Variants in SPOCK3 observed in about 807,000 individuals in gnomAD.
SPOCK3 encodes testican-3.
Under a neutral mutation model 56.6 loss-of-function variants are expected in SPOCK3, and 30 were observed. The ratio of observed to expected loss-of-function variants is 0.53; its 90% CI spans 0.40 to 0.72. The LOEUF is 0.72. Ranked by LOEUF, SPOCK3 falls within the 30% of genes least tolerant of loss-of-function variation. The probability of loss-of-function intolerance (pLI) is 0.00; values close to 1 mark genes in which losing one functional copy is unlikely to be tolerated. For missense variants in SPOCK3, 527 were observed against 530.0 expected, an observed-to-expected ratio of 0.99 and a Z score of 0.06; for synonymous variants, 196 against 183.3, an observed-to-expected ratio of 1.07 and a Z score of -0.56.
intron 3 of SPOCK3, among the ~76,000 whole-genome samples, chr4:167,020,651 C>G (rs116281921): frequency 0.013 from 1,940 of 152,110 alleles, 19 homozygotes; most frequent in Non-Finnish European, 0.019. Flanking sequence ...GTGCCTTGAT[C>G]TTGTATTTCC....
At chr4:166,889,984 T>G (rs1734601025) in intron 5 of SPOCK3, among the ~76,000 whole-genome samples, 1 of 152,036 alleles carries the variant, frequency 6.6e-6, no homozygotes, top group Non-Finnish European at 1.5e-5. Flanking sequence ...ATGTGCTTAG[T>G]GTCTCTCTAA....
chr4:167,197,376 T>G (rs574416847), intron 2 of SPOCK3, among the ~76,000 whole-genome samples: 1 of 152,140 alleles, frequency 6.6e-6, no homozygotes, highest in South Asian at 2.1e-4. Flanking sequence ...AAGTTAAACA[T>G]CTATAAAAGT....
chr4:166,842,596 C>A (rs1747555022), intron 6 of SPOCK3, among the ~76,000 whole-genome samples: 1 of 152,160 alleles, frequency 6.6e-6, no homozygotes. Context: ...TATTTACAAT[C>A]CTTAACTAGA....
At chr4:166,912,912 C>T (rs1189584638) in intron 4 of SPOCK3, among the ~76,000 whole-genome samples, 169 bp from the exon 5 acceptor site, 1 of 152,078 alleles carries the variant, frequency 6.6e-6, no homozygotes, top group East Asian at 1.9e-4. Flanking sequence ...TCATTATAAT[C>T]TTTTGATTTA....
chr4:166,998,439 C>G (rs777909185), intron 4 of SPOCK3, among the ~76,000 whole-genome samples: 1 of 152,018 alleles, frequency 6.6e-6, no homozygotes, highest in Non-Finnish European at 1.5e-5. Context: ...TGTAGTTAAG[C>G]TGTTTAATAA....
chr4:166,777,467 C>T (rs948475143), intron 7 of SPOCK3, among the ~76,000 whole-genome samples: 31 of 152,198 alleles, frequency 2.0e-4, no homozygotes, highest in East Asian at 7.7e-4. Context: ...TGGGAGATTA[C>T]ATGATTAGTG....
intron 7 of SPOCK3, among the ~76,000 whole-genome samples, chr4:166,777,793 T>A (rs545664393): frequency 2.6e-5 from 4 of 152,164 alleles, no homozygotes; most frequent in Non-Finnish European, 4.4e-5. Flanking sequence ...AACCTGGGGT[T>A]AAATCCTAGC....
chr4:167,200,771 C>T (rs146365301), intron 2 of SPOCK3, among the ~76,000 whole-genome samples: 1 of 152,094 alleles, frequency 6.6e-6, no homozygotes, highest in East Asian at 1.9e-4. Context: ...TAACACGTCA[C>T]TTTATTGTAA....
At chr4:167,116,847 A>G (rs1204845885) in intron 2 of SPOCK3, among the ~76,000 whole-genome samples, 2 of 142,112 alleles carry the variant, frequency 1.4e-5, no homozygotes, top group African/African-American at 5.1e-5. Flanking sequence ...ATATACTTTT[A>G]TATATATACT....
chr4:167,030,802 C>T (rs1400169645), intron 3 of SPOCK3, among the ~76,000 whole-genome samples: 1 of 151,948 alleles, frequency 6.6e-6, no homozygotes, highest in Non-Finnish European at 1.5e-5. Context: ...AAACAGTAAT[C>T]CTAGTTTTTA....
chr4:167,020,475 T>C (rs557025012), intron 3 of SPOCK3, among the ~76,000 whole-genome samples: 5 of 152,040 alleles, frequency 3.3e-5, no homozygotes, highest in Non-Finnish European at 5.9e-5. Flanking sequence ...TATTAAGTCA[T>C]GGGGGTGCTG....
chr4:166,896,484 C>A (rs1257933405), intron 5 of SPOCK3, among the ~76,000 whole-genome samples: 1 of 152,096 alleles, frequency 6.6e-6, no homozygotes, highest in African/African-American at 2.4e-5. Context: ...TTAAGCAGAA[C>A]AAAGGAACAC....
At chr4:167,081,182 C>G (rs901835188) in intron 2 of SPOCK3, among the ~76,000 whole-genome samples, 3 of 151,926 alleles carry the variant, frequency 2.0e-5, no homozygotes, top group Admixed American at 6.6e-5. Context: ...AGTTCTAGCT[C>G]AACAACTAAC....
At chr4:166,771,364 GCTTT>G (rs1738907718) in intron 7 of SPOCK3, among the ~76,000 whole-genome samples, 1 of 151,836 alleles carries the variant, frequency 6.6e-6, no homozygotes, top group Non-Finnish European at 1.5e-5. Context: ...AAAAATATAA[GCTTT>G]CTCTATCTTT....
chr4:167,114,988 A>G (rs1263907919), intron 2 of SPOCK3, among the ~76,000 whole-genome samples: 3 of 152,150 alleles, frequency 2.0e-5, no homozygotes, highest in Admixed American at 6.6e-5. Context: ...ATAATTTAAA[A>G]TAATATGCTT....
At chr4:167,223,924 T>A (rs1248821545) in intron 2 of SPOCK3, among the ~76,000 whole-genome samples, 1 of 152,110 alleles carries the variant, frequency 6.6e-6, no homozygotes, top group Non-Finnish European at 1.5e-5. Flanking sequence ...TTTTAGTACT[T>A]ACCTCATTTG....
chr4:166,818,103 GCT>G (rs1473601931), intron 6 of SPOCK3, among the ~76,000 whole-genome samples: 3 of 151,964 alleles, frequency 2.0e-5, no homozygotes, highest in African/African-American at 7.2e-5. Flanking sequence ...AATAGCTAAT[GCT>G]CTCACAGATG....
intron 4 of SPOCK3, among the ~76,000 whole-genome samples, chr4:166,981,579 C>A (rs553274896): frequency 4.6e-5 from 7 of 152,278 alleles, no homozygotes; most frequent in South Asian, 4.1e-4. Flanking sequence ...GAAGTGCATG[C>A]TGATTGGTCC....
intron 6 of SPOCK3, among the ~76,000 whole-genome samples, chr4:166,870,599 AGTAAC>A (rs1732353997): frequency 6.6e-6 from 1 of 152,172 alleles, no homozygotes; most frequent in African/African-American, 2.4e-5. Flanking sequence ...AATAATTCTA[AGTAAC>A]CCACAAGTCA....
Sources: allele counts gnomAD v4.1 joint callset (sites outside exome capture counted in the v4.1 genomes callset), GRCh38; gene constraint gnomAD v4.1.1; transcripts MANE v1.5; gene names NCBI Gene and HGNC (gene_info 2026-07-23, HGNC 2026-07-21).